SNU13: variants seen among roughly 807,000 people sequenced by gnomAD.
SNU13 encodes the protein NHP2-like protein 1.
A neutral mutation model predicts 12.4 loss-of-function variants in SNU13; 2 were observed. The observed-to-expected ratio is 0.16, with a 90% CI of 0.07 to 0.51. SNU13 has a LOEUF of 0.51. Among genes scored for constraint, SNU13 ranks in the 20% least tolerant of loss-of-function variants. The pLI is 0.96. For synonymous variants in SNU13, 68 were observed against 66.5 expected, an observed-to-expected ratio of 1.02 and a Z score of -0.11; for missense variants, 66 against 157.8, an observed-to-expected ratio of 0.42 and a Z score of 3.12.
At chr22:41,683,906 T>G (rs758645686) in intron 1 of SNU13, among the ~76,000 whole-genome samples, 3 of 152,008 alleles carry the variant, frequency 2.0e-5, no homozygotes, top group Non-Finnish European at 2.9e-5. Context: ...AGGGTTTTTT[T>G]TTGTTGTTTT....
intron 2 of SNU13, among the ~76,000 whole-genome samples, chr22:41,678,068 C>T (rs929338894): frequency 4.0e-5 from 6 of 151,710 alleles, no homozygotes; most frequent in Non-Finnish European, 7.4e-5. Flanking sequence ...CTCCGCCTCC[C>T]GGGTTCACAC....
intron 2 of SNU13, among the ~76,000 whole-genome samples, chr22:41,677,355 C>A (rs1370601498): frequency 6.6e-6 from 1 of 152,024 alleles, no homozygotes; most frequent in Non-Finnish European, 1.5e-5. Context: ...AAAACCCCAT[C>A]TCTACTAAAA....
intron 2 of SNU13, 97 bp downstream of exon 2, chr22:41,680,147 C>T: frequency 7.1e-7 from 1 of 1,409,988 alleles, no homozygotes; most frequent in Non-Finnish European, 9.5e-7. Flanking sequence ...TAGTCGAGAG[C>T]AGCTAGCCCT....
upstream of SNU13, chr22:41,689,180 G>C: frequency 1.3e-6 from 1 of 793,354 alleles, no homozygotes; most frequent in Non-Finnish European, 1.5e-6. Context: ...TGGCCAACAT[G>C]GCGAAACCTC....
rs1343340004 is a variant in SNU13 at position 41,674,741 on chromosome 22, G to A, written c.*192C>T. 1 of 693,552 alleles carries A rather than the reference G, an allele frequency of 1.4e-6. No homozygotes were observed. Among genetic ancestry groups the A allele is most frequent in the East Asian group, 2.8e-5 (1 of 35,456 alleles). 43.0% of individuals were successfully genotyped at this position (693,552 alleles called of 1,614,324 possible). ...ATAAAAGGATGAAGGATGGCAGAGG[G>A]AGGGAGGAAAGGAAGGGGGATAGCA... On this transcript the variant is annotated 3_prime_UTR_variant, in exon 3 of 3. Coordinates refer to ENST00000401959, the MANE Select transcript of SNU13 (RefSeq NM_001003796.2).
In SNU13 at chr22:41,674,693, AAC is replaced by A; in HGVS notation, c.*238_*239del. The A allele has an allele frequency of 1.9e-6, 1 of 533,714 alleles. No individual in the cohort carries two copies. 33.1% of individuals were successfully genotyped at this position (533,714 alleles called of 1,614,324 possible). A position where few individuals can be genotyped will look rare whatever the true frequency, so the allele number is the denominator to read the frequency against. On this transcript the variant is annotated 3_prime_UTR_variant, in exon 3 of 3. Coordinates refer to ENST00000401959, the MANE Select transcript of SNU13 (RefSeq NM_001003796.2). ...CACCACCCTGCTTCTGTCTGCTCTGAACACTTGTTCCAAAAAGGGAGGATAAA... is the reference window on the plus strand; with the variant it reads ...CACCACCCTGCTTCTGTCTGCTCTGAACTTGTTCCAAAAAGGGAGGATAAA...
intron 1 of SNU13, chr22:41,682,511 G>A (rs1601573839): frequency 2.6e-6 from 4 of 1,543,754 alleles, no homozygotes; most frequent in East Asian, 2.4e-5. Context: ...GACGTCCAGG[G>A]CCAGCCCGTA....
intron 2 of SNU13, among the ~76,000 whole-genome samples, chr22:41,676,355 G>A (rs939553479): frequency 2.0e-5 from 3 of 151,694 alleles, no homozygotes; most frequent in Non-Finnish European, 4.4e-5. Flanking sequence ...ACTTGAGAAG[G>A]GCACACACTC....
chr22:41,677,006 TA>T (rs2068220560), intron 2 of SNU13, among the ~76,000 whole-genome samples: 2 of 152,196 alleles, frequency 1.3e-5, no homozygotes, highest in Admixed American at 1.3e-4. Context: ...CATCTTTCAT[TA>T]AAACATCACC....
In SNU13 at chr22:41,675,152, C is replaced by T. The variant is rs1248038158; in HGVS notation, c.168G>A (p.Met56Ile). Residue 56 changes from methionine to isoleucine, a missense_variant, in exon 3 of 3, where the codon ATG becomes ATA. By Grantham distance (10) the Met-to-Ile change is conservative. Coordinates refer to ENST00000401959, the MANE Select transcript of SNU13 (RefSeq NM_001003796.2). The stretch of plus-strand genomic sequence containing the variant: ...TCTCCAGTGGCTCGGCGTCTGCAGC[C>T]ATCACGATGAACTCAGAGATGCCCC... The part of the protein sequence containing the change: ...LNRGISEFIV[M>I]AADAEPLEII... The T allele has an allele frequency of 1.2e-6, 2 of 1,613,988 alleles. No individual in the cohort carries two copies. The highest frequency in any genetic ancestry group is 1.3e-5 in the African/African-American group (1 of 74,940).
chr22:41,680,295 G>C lies in SNU13; in HGVS notation c.73C>G (p.Leu25Val). 5.0e-6 allele frequency: 8 copies of C among 1,613,954 alleles called. No homozygotes were observed. Among genetic ancestry groups the C allele is most frequent in the Non-Finnish European group, 6.8e-6 (8 of 1,179,936 alleles). The change falls in exon 2 of 3, where the codon CTC (leucine) becomes GTC (valine). Residue 25 changes from leucine (L) to valine (V), a missense_variant. Coordinates refer to ENST00000401959, the MANE Select transcript of SNU13 (RefSeq NM_001003796.2). ...DAHLTKKLLD[L>V]VQQSCNYKQL... Reference sequence around the variant, plus strand: ...TTATAGTTACATGACTGCTGAACGAGGTCCAGTAGCTTCTTGGTGAGGTGG... The same window carrying C: ...TTATAGTTACATGACTGCTGAACGACGTCCAGTAGCTTCTTGGTGAGGTGG...
At chr22:41,682,264 T>A in intron 1 of SNU13, 5 of 1,395,598 alleles carry the variant, frequency 3.6e-6, no homozygotes, top group Non-Finnish European at 5.1e-6. Flanking sequence ...CTTCCGTTTT[T>A]TTACAGCTTT....
chr22:41,685,783 C>T (rs980382750), intron 1 of SNU13, among the ~76,000 whole-genome samples: 27 of 151,464 alleles, frequency 1.8e-4, no homozygotes, highest in Admixed American at 3.9e-4. Context: ...CTGACCAACA[C>T]GGCAAAACCC....
At position 41,683,619 on chromosome 22, in the gene SNU13, G is replaced by T. The variant is rs372384064; in HGVS notation, c.4-3255C>A. Reference sequence around the variant, plus strand: ...CTCATCTATACCTAATCTATATTATGTTTCATTCAGTATATCTGTAAGATA... The same window carrying T: ...CTCATCTATACCTAATCTATATTATTTTTCATTCAGTATATCTGTAAGATA... On this transcript the variant is annotated intron_variant, in intron 1 of 2. Transcript: ENST00000401959. Among the ~76,000 whole-genome samples the T allele has an allele frequency of 2.0e-5, 3 of 152,084 alleles. 1 individual carries two copies. In the South Asian group the frequency reaches 6.2e-4, roughly 31 times the overall value.
chr22:41,684,784 G>A (rs2068296913), intron 1 of SNU13, among the ~76,000 whole-genome samples: 2 of 152,124 alleles, frequency 1.3e-5, no homozygotes, highest in Admixed American at 1.3e-4. Context: ...CTGAGGCTGG[G>A]GACTGATTGA....
intron 2 of SNU13, among the ~76,000 whole-genome samples, chr22:41,678,184 C>T (rs2068231087): frequency 1.3e-5 from 2 of 152,030 alleles, no homozygotes; most frequent in Admixed American, 1.3e-4. Context: ...ACCGTGTTAG[C>T]CAGGATGGTC....
intron 1 of SNU13, chr22:41,682,246 T>G: frequency 8.2e-7 from 1 of 1,216,594 alleles, no homozygotes; most frequent in South Asian, 1.2e-5. Context: ...CGCACCTGCC[T>G]TTTCCTCCTT....
chr22:41,680,044 T>C (rs1414705785), intron 2 of SNU13, among the ~76,000 whole-genome samples, 200 bp downstream of exon 2: 1 of 152,064 alleles, frequency 6.6e-6, no homozygotes, highest in Non-Finnish European at 1.5e-5. Flanking sequence ...AAAAAGAAGG[T>C]AAATGTGGCA....
intron 1 of SNU13, chr22:41,688,311 C>T (rs2068328644): frequency 6.5e-6 from 1 of 153,832 alleles, no homozygotes; most frequent in African/African-American, 2.4e-5. Flanking sequence ...AAGCGCAGAC[C>T]CATGGGAGAT....
Sources: gnomAD v4.1 joint callset for allele counts (sites outside exome capture counted in the v4.1 genomes callset) on GRCh38, gnomAD v4.1.1 for gene constraint, MANE v1.5 for transcripts, NCBI Gene and HGNC (gene_info 2026-07-23, HGNC 2026-07-21) for gene names.